MBD5: variants seen among roughly 807,000 people sequenced by gnomAD.
The protein encoded by MBD5 is methyl-CpG binding domain protein 5, also known as methyl-CpG-binding domain protein 5.
MBD5 carries 13 observed loss-of-function variants against 117.3 expected under a neutral mutation model. The observed-to-expected ratio is 0.11, with a 90% CI of 0.07 to 0.18. MBD5 has a LOEUF of 0.18. MBD5 is among the 10% of genes least tolerant of loss of function. The probability of loss-of-function intolerance (pLI) is 1.00; values close to 1 mark genes in which losing one functional copy is unlikely to be tolerated. For synonymous variants in MBD5, 727 were observed against 766.4 expected (o/e 0.95, Z 0.85); for missense variants, 1,879 against 2,093.8 (o/e 0.90, Z 2.00).
intron 1 of MBD5, among the ~76,000 whole-genome samples, chr2:148,069,163 A>T (rs1695287989): frequency 6.6e-6 from 1 of 152,214 alleles, no homozygotes; most frequent in Non-Finnish European, 1.5e-5. Flanking sequence ...CATGTTTTGC[A>T]TTCCAAACCT....
At chr2:148,176,417 T>C (rs7583240) in intron 1 of MBD5, among the ~76,000 whole-genome samples, 114,622 of 146,020 alleles carry the variant, frequency 0.78, 46,254 homozygotes, top group East Asian at 0.9. Context: ...CTTTTTTTTT[T>C]TTTTTGAGAC....
At chr2:148,136,897 G>A (rs1259615736) in intron 1 of MBD5, among the ~76,000 whole-genome samples, 1 of 152,034 alleles carries the variant, frequency 6.6e-6, no homozygotes, top group Non-Finnish European at 1.5e-5. Context: ...CAAGGAGCTG[G>A]GATTACAGGC....
chr2:148,431,386 C>T (rs1375363968), intron 4 of MBD5, among the ~76,000 whole-genome samples: 1 of 152,046 alleles, frequency 6.6e-6, no homozygotes, highest in Non-Finnish European at 1.5e-5. Context: ...AGCATTCTGT[C>T]TGGCCTTTAA....
chr2:148,447,178 G>GGAAAGAAAGAAAGAAA lies in MBD5; in HGVS notation c.-556-10983_-556-10968dup, dbSNP rs70995316. 8.4e-3 allele frequency among the ~76,000 whole-genome samples: 1,155 copies of GGAAAGAAAGAAAGAAA among 137,724 alleles called. 16 individuals carry two copies. The highest frequency in any genetic ancestry group is 0.026 in the African/African-American group (883 of 34,142). The allele number at this position is 137,724 out of a possible 152,430, so 90.4% of individuals were successfully genotyped here. A position where few individuals can be genotyped will look rare whatever the true frequency, so the allele number is the denominator to read the frequency against. On this transcript the variant is annotated intron_variant, in intron 4 of 13. Transcript: ENST00000642680. ...AGGAAAGAAAGGAAGAAAGGAAGAAGGAAAGAAAGAAAGAAAGAAAGAAAG... is the reference window on the plus strand; with the variant it reads ...AGGAAAGAAAGGAAGAAAGGAAGAAGGAAAGAAAGAAAGAAAGAAAGAAAGAAAGAAAGAAAGAAAG...
At chr2:148,424,177 C>CAAAAAAAAAAAAAAAAA (rs56740583) in intron 4 of MBD5, among the ~76,000 whole-genome samples, 8 of 53,462 alleles carry the variant, frequency 1.5e-4, no homozygotes, top group South Asian at 9.2e-4. Context: ...GACTCTGTCT[C>CAAAAAAAAAAAAAAAAA]AAAAAAAAAA....
chr2:148,251,308 C>T (rs1387106669), intron 3 of MBD5, among the ~76,000 whole-genome samples: 1 of 152,024 alleles, frequency 6.6e-6, no homozygotes, highest in Admixed American at 6.6e-5. Flanking sequence ...GTATTTGAAT[C>T]GTTTATTTCA....
At position 148,469,122 on chromosome 2, in the gene MBD5, T is replaced by C. The variant is rs1160364691; in HGVS notation, c.1179T>C (p.Asn393=). 1 of 1,614,104 alleles carries C rather than the reference T, an allele frequency of 6.2e-7. No homozygotes were observed. Among genetic ancestry groups the C allele is most frequent in the Non-Finnish European group, 8.5e-7 (1 of 1,179,986 alleles). ...SNVHSQVPMM[N]VSMPPAVVPL... is the part of the protein sequence containing the mutation. ...TCCACTCTCAGGTACCTATGATGAA[T>C]GTAAGCATGCCTCCTGCTGTTGTTC... The change falls in exon 8 of 14, where the codon AAT becomes AAC. Residue 393 remains asparagine (N), a synonymous_variant. Coordinates refer to ENST00000642680, the MANE Select transcript of MBD5 (RefSeq NM_001378120.1).
intron 5 of MBD5, chr2:148,460,111 AC>A (rs1189483832): frequency 2.6e-5 from 4 of 152,310 alleles, no homozygotes; most frequent in Middle Eastern, 3.4e-3. Flanking sequence ...ATATGTTTAT[AC>A]TTATGGTTGT....
chr2:148,241,811 G>T (rs1357746118), intron 3 of MBD5, among the ~76,000 whole-genome samples: 1 of 152,026 alleles, frequency 6.6e-6, no homozygotes, highest in Admixed American at 6.6e-5. Flanking sequence ...TTCTATTTCT[G>T]CCTTCATTTG....
chr2:148,048,820 C>T (rs1220102038), intron 1 of MBD5, among the ~76,000 whole-genome samples: 1 of 152,034 alleles, frequency 6.6e-6, no homozygotes, highest in African/African-American at 2.4e-5. Context: ...TACTTTGCTC[C>T]CTTGAGAAAA....
intron 4 of MBD5, among the ~76,000 whole-genome samples, chr2:148,377,402 C>T (rs1341724829): frequency 6.6e-6 from 1 of 152,144 alleles, no homozygotes; most frequent in African/African-American, 2.4e-5. Flanking sequence ...CATAGACACA[C>T]CCAGAATGAA....
chr2:148,497,519 C>A (rs1574493106), intron 11 of MBD5, among the ~76,000 whole-genome samples: 2 of 151,984 alleles, frequency 1.3e-5, no homozygotes, highest in East Asian at 3.9e-4. Context: ...GAAACCCTAT[C>A]TCTACAAAAA....
intron 3 of MBD5, among the ~76,000 whole-genome samples, chr2:148,310,545 A>G (rs1162368661): frequency 1.3e-5 from 2 of 151,738 alleles, no homozygotes. Context: ...TTTCTTCTTT[A>G]TTAGTCTGGC....
intron 1 of MBD5, among the ~76,000 whole-genome samples, chr2:148,036,610 C>T (rs548967168): frequency 6.6e-6 from 1 of 152,120 alleles, no homozygotes; most frequent in South Asian, 2.1e-4. Flanking sequence ...TTTTCTCCAT[C>T]TTTGATGAAC....
intron 3 of MBD5, among the ~76,000 whole-genome samples, chr2:148,328,061 A>G (rs1399818370): frequency 6.6e-6 from 1 of 152,080 alleles, no homozygotes; most frequent in Non-Finnish European, 1.5e-5. Context: ...CTTCTAACAG[A>G]CAGGACCCTC....
intron 2 of MBD5, among the ~76,000 whole-genome samples, chr2:148,192,024 C>A (rs1386636238): frequency 2.0e-5 from 1 of 50,550 alleles, no homozygotes; most frequent in East Asian, 6.8e-4. Context: ...TGGATACATT[C>A]CTCGACACAT....
rs1559086405 is a variant in MBD5 at position 148,469,137 on chromosome 2, T to G, written c.1194T>G (p.Pro398=). ...QVPMMNVSMP[P]AVVPLPSNLP... Reference sequence around the variant, plus strand: ...CTATGATGAATGTAAGCATGCCTCCTGCTGTTGTTCCTTTGCCAAGTAATC... The same window carrying G: ...CTATGATGAATGTAAGCATGCCTCCGGCTGTTGTTCCTTTGCCAAGTAATC... Residue 398 remains proline, a synonymous_variant, in exon 8 of 14, where the codon CCT becomes CCG. Coordinates refer to ENST00000642680, the MANE Select transcript of MBD5 (RefSeq NM_001378120.1). 8.7e-6 allele frequency: 14 copies of G among 1,613,998 alleles called. No individual in the cohort carries two copies. The highest frequency in any genetic ancestry group is 1.2e-5 in the Non-Finnish European group (14 of 1,179,996).
chr2:148,331,201 CTACT>C (rs758869684), intron 3 of MBD5, among the ~76,000 whole-genome samples: 2 of 152,102 alleles, frequency 1.3e-5, no homozygotes, highest in Non-Finnish European at 2.9e-5. Flanking sequence ...TTATAAATGC[CTACT>C]TAGTTTCCAC....
chr2:148,294,587 C>T (rs186834428), intron 3 of MBD5, among the ~76,000 whole-genome samples: 114 of 149,606 alleles, frequency 7.6e-4, no homozygotes, highest in Non-Finnish European at 1.3e-3. Context: ...ACTGCAACCT[C>T]CACCTCCCGG....
Sources: allele counts gnomAD v4.1 joint callset (sites outside exome capture counted in the v4.1 genomes callset), GRCh38; gene constraint gnomAD v4.1.1; transcripts MANE v1.5; gene names NCBI Gene and HGNC (gene_info 2026-07-23, HGNC 2026-07-21).